Variants in GPR149 observed in about 807,000 individuals in gnomAD.
GPR149 encodes G protein-coupled receptor 149.
In GPR149, 50 loss-of-function variants were observed where a neutral mutation model predicts 50.2. The observed-to-expected ratio is 1.00, with a 90% CI of 0.79 to 1.26. The LOEUF (loss-of-function observed/expected upper bound fraction) is 1.26, where lower values mean the gene tolerates loss of function less well. GPR149 is among the 50% of genes most tolerant of loss of function. The pLI is 0.00. For missense variants in GPR149, 983 were observed against 895.4 expected (o/e 1.10, Z -1.25); for synonymous variants, 405 against 358.2 (o/e 1.13, Z -1.48).
chr3:154,429,721 C>A lies in GPR149; in HGVS notation c.-106G>T, dbSNP rs772065490. The A allele has an allele frequency of 5.5e-5, 54 of 979,330 alleles. No homozygotes were observed. The highest frequency in any genetic ancestry group is 7.9e-5 in the Non-Finnish European group (51 of 648,430). The allele number at this position is 979,330 out of a possible 1,614,324, so 60.7% of individuals were successfully genotyped here. ...ATTTCATTCCTCCTACCAAGTTCCCCTCTAGATGTTCTCCTTGTCAGTCCT... is the reference window on the plus strand; with the variant it reads ...ATTTCATTCCTCCTACCAAGTTCCCATCTAGATGTTCTCCTTGTCAGTCCT... On this transcript the variant is annotated 5_prime_UTR_variant, in exon 1 of 4. The change creates a new upstream start codon in the 5' untranslated region. Coordinates refer to ENST00000389740, the MANE Select transcript of GPR149 (RefSeq NM_001038705.3).
chr3:154,371,148 C>A (rs1449478742), intron 3 of GPR149, among the ~76,000 whole-genome samples: 3 of 152,094 alleles, frequency 2.0e-5, no homozygotes, highest in African/African-American at 7.2e-5. Context: ...TATTGTTAGA[C>A]ATTTAAAAGC....
At position 154,375,400 on chromosome 3, in the gene GPR149, A is replaced by T. The variant is rs74871934; in HGVS notation, c.1624-37129T>A. Among the ~76,000 whole-genome samples the T allele has an allele frequency of 1.8e-3, 278 of 152,178 alleles. 12 individuals carry two copies. In the East Asian group the frequency reaches 0.049, roughly 27 times the overall value. ...TCACAGGGCATTTTTGTTGGTATTA[A>T]CTCCCTATAAATTCCTGTCCAAAAT... On this transcript the variant is annotated intron_variant, in intron 3 of 3. Coordinates refer to ENST00000389740, the MANE Select transcript of GPR149 (RefSeq NM_001038705.3).
At chr3:154,394,361 C>G (rs942149797) in intron 3 of GPR149, among the ~76,000 whole-genome samples, 1 of 151,982 alleles carries the variant, frequency 6.6e-6, no homozygotes, top group African/African-American at 2.4e-5. Flanking sequence ...TGCACATCCA[C>G]ATGCAAAAGA....
chr3:154,375,951 G>T (rs1216307016), intron 3 of GPR149, among the ~76,000 whole-genome samples: 2 of 152,150 alleles, frequency 1.3e-5, no homozygotes, highest in African/African-American at 2.4e-5. Flanking sequence ...AGGGCCTTTG[G>T]CCTTAGACTG....
At chr3:154,374,063 C>T (rs1714730578) in intron 3 of GPR149, among the ~76,000 whole-genome samples, 1 of 151,918 alleles carries the variant, frequency 6.6e-6, no homozygotes, top group Admixed American at 6.6e-5. Flanking sequence ...TTTTCCTGAC[C>T]AGTTTAAAAA....
rs1463516974 is a variant in GPR149, at chr3:154,395,447, TAA to T, written c.1623+25590_1623+25591del. On this transcript the variant is annotated intron_variant, in intron 3 of 3. Transcript: ENST00000389740. ...CAATATATGTAAAATTATATATATA[TAA>T]GTATATATATATATAATTTTAAAAA... Among the ~76,000 whole-genome samples the T allele has an allele frequency of 4.6e-5, 4 of 86,498 alleles. No homozygotes were observed. The Admixed American group carries it at 6.3e-4, about 14-fold the overall frequency. The allele number at this position is 86,498 out of a possible 152,430, so 56.7% of individuals were successfully genotyped here. A position where few individuals can be genotyped will look rare whatever the true frequency, so the allele number is the denominator to read the frequency against.
intron 3 of GPR149, among the ~76,000 whole-genome samples, chr3:154,359,932 T>A (rs1179745476): frequency 6.6e-6 from 1 of 152,140 alleles, no homozygotes; most frequent in Non-Finnish European, 1.5e-5. Context: ...TCACAGAATC[T>A]CTCTCATCCA....
rs3069044 is a variant in GPR149, at chr3:154,374,169, C to CTTTTTT, written c.1624-35904_1624-35899dup. On this transcript the variant is annotated intron_variant, in intron 3 of 3. Transcript: ENST00000389740. Reference sequence around the variant, plus strand: ...TTCTTTCTTTCTTTTCTTTTCTTTTCTTTTTTTTTTTTTTTTGAGACAGAG... The same window carrying CTTTTTT: ...TTCTTTCTTTCTTTTCTTTTCTTTTCTTTTTTTTTTTTTTTTTTTTTTGAGACAGAG... 4.6e-4 allele frequency among the ~76,000 whole-genome samples: 47 copies of CTTTTTT among 103,146 alleles called. 3 individuals carry two copies. The highest frequency in any genetic ancestry group is 3.2e-3 in the East Asian group (12 of 3,708). The allele number at this position is 103,146 out of a possible 152,430, so 67.7% of individuals were successfully genotyped here.
chr3:154,405,987 A>G (rs1243225626), intron 3 of GPR149, among the ~76,000 whole-genome samples: 1 of 152,036 alleles, frequency 6.6e-6, no homozygotes, highest in Non-Finnish European at 1.5e-5. Flanking sequence ...AAGGTATCTG[A>G]TAAATGCTGA....
At chr3:154,427,116 C>T (rs376537180) in intron 2 of GPR149, among the ~76,000 whole-genome samples, 16 of 152,056 alleles carry the variant, frequency 1.1e-4, no homozygotes, top group African/African-American at 3.6e-4. Flanking sequence ...AATCCTTTTT[C>T]AAATGCAAGC....
At chr3:154,419,436 A>T (rs1342017668) in intron 3 of GPR149, among the ~76,000 whole-genome samples, 1 of 152,024 alleles carries the variant, frequency 6.6e-6, no homozygotes, top group Admixed American at 6.6e-5. Context: ...CATGGTTTTG[A>T]TGAAATAAAT....
chr3:154,415,272 A>G (rs1711955915), intron 3 of GPR149, among the ~76,000 whole-genome samples: 1 of 151,930 alleles, frequency 6.6e-6, no homozygotes, highest in Non-Finnish European at 1.5e-5. Flanking sequence ...ATATGATTCC[A>G]CACAAGCTTT....
At chr3:154,366,277 C>T (rs1436398048) in intron 3 of GPR149, among the ~76,000 whole-genome samples, 1 of 152,144 alleles carries the variant, frequency 6.6e-6, no homozygotes, top group Non-Finnish European at 1.5e-5. Context: ...GACTGATCTC[C>T]TTGAGGCAAT....
chr3:154,339,779 CTTTTTTTTTTTTT>C (rs71152802), intron 3 of GPR149, among the ~76,000 whole-genome samples: 41 of 68,306 alleles, frequency 6.0e-4, no homozygotes, highest in South Asian at 2.0e-3. Context: ...TGCTCTACTT[CTTTTTTTTTTTTT>C]TTTTTTTTTT....
chr3:154,407,398 A>AT (rs1452419357), intron 3 of GPR149, among the ~76,000 whole-genome samples: 1 of 151,918 alleles, frequency 6.6e-6, no homozygotes, highest in Non-Finnish European at 1.5e-5. Context: ...TACTCTTAAT[A>AT]TTTTTTCCTA....
At chr3:154,369,080 A>C (rs1422012635) in intron 3 of GPR149, among the ~76,000 whole-genome samples, 3 of 152,332 alleles carry the variant, frequency 2.0e-5, no homozygotes, top group Non-Finnish European at 4.4e-5. Context: ...CTTGAGCACA[A>C]CTGGACCTGA....
At chr3:154,420,064 AG>A (rs1426088087) in intron 3 of GPR149, among the ~76,000 whole-genome samples, 5 of 152,040 alleles carry the variant, frequency 3.3e-5, no homozygotes, top group African/African-American at 1.2e-4. Flanking sequence ...ATGAGAATAA[AG>A]AAAATCTCAA....
intron 3 of GPR149, among the ~76,000 whole-genome samples, chr3:154,362,196 G>C (rs1714421678): frequency 6.6e-6 from 1 of 151,370 alleles, no homozygotes; most frequent in Non-Finnish European, 1.5e-5. Context: ...GGCTGAGGCA[G>C]GAGAATGGTG....
At chr3:154,353,149 A>C (rs1559971758) in intron 3 of GPR149, 1 of 1,511,076 alleles carries the variant, frequency 6.6e-7, no homozygotes, top group East Asian at 2.3e-5. Context: ...CTGGTCTCAC[A>C]GAAAATAATA....
Sources: allele counts gnomAD v4.1 joint callset (sites outside exome capture counted in the v4.1 genomes callset), GRCh38; gene constraint gnomAD v4.1.1; transcripts MANE v1.5; gene names NCBI Gene and HGNC (gene_info 2026-07-23, HGNC 2026-07-21).